PDE3A: variants seen among roughly 807,000 people sequenced by gnomAD.
PDE3A encodes cGMP-inhibited 3',5'-cyclic phosphodiesterase 3A.
In PDE3A, 43 loss-of-function variants were observed where a neutral mutation model predicts 98.3. That is an observed-to-expected ratio of 0.44 (90% CI 0.34 to 0.56). The LOEUF (loss-of-function observed/expected upper bound fraction) is 0.56. Ranked by LOEUF, PDE3A falls within the 20% of genes least tolerant of loss-of-function variation. The probability of loss-of-function intolerance (pLI) is 0.01; values close to 1 mark genes in which losing one functional copy is unlikely to be tolerated. For synonymous variants in PDE3A, 663 were observed against 567.9 expected, an observed-to-expected ratio of 1.17 and a Z score of -2.38; for missense variants, 1,427 against 1,440.7, an observed-to-expected ratio of 0.99 and a Z score of 0.15.
chr12:20,637,296 T>C (rs1463917701), intron 9 of PDE3A, 59 bp downstream of exon 9: 1 of 1,321,838 alleles, frequency 7.6e-7, no homozygotes, highest in Admixed American at 2.2e-5. Flanking sequence ...CCTTTGTTGC[T>C]TAAAGCTCTG....
chr12:20,449,852 C>T (rs886869962), intron 1 of PDE3A: 1 of 590,580 alleles, frequency 1.7e-6, no homozygotes, highest in Non-Finnish European at 2.9e-6. Flanking sequence ...GAGAGACCTG[C>T]CCCTTTTAGT....
intron 1 of PDE3A, among the ~76,000 whole-genome samples, chr12:20,511,378 G>C (rs578125355): frequency 6.6e-6 from 1 of 151,126 alleles, no homozygotes; most frequent in East Asian, 2.0e-4. Flanking sequence ...GAAAAGCTTG[G>C]AGTATCTTTT....
chr12:20,545,484 T>C (rs912721593), intron 1 of PDE3A, among the ~76,000 whole-genome samples: 4 of 152,006 alleles, frequency 2.6e-5, no homozygotes, highest in Non-Finnish European at 4.4e-5. Flanking sequence ...TAGCTAGTTA[T>C]CACCAACTGT....
In PDE3A at chr12:20,581,014, T is replaced by C. The variant is rs148820138; in HGVS notation, c.1011+24304T>C. ...GAGGGTTTCACTATCAAGAAAATTATAGGCTCTAGGTTTGTTTAATTACTG... is the reference window on the plus strand; with the variant it reads ...GAGGGTTTCACTATCAAGAAAATTACAGGCTCTAGGTTTGTTTAATTACTG... On this transcript the variant is annotated intron_variant, in intron 2 of 15. Transcript: ENST00000359062. Among the ~76,000 whole-genome samples the C allele has an allele frequency of 6.4e-4, 97 of 152,342 alleles. No homozygotes were observed. In the Middle Eastern group the frequency reaches 0.02, roughly 32 times the overall value.
intron 1 of PDE3A, among the ~76,000 whole-genome samples, chr12:20,486,741 C>G (rs1320063728): frequency 6.6e-6 from 1 of 152,210 alleles, no homozygotes; most frequent in East Asian, 1.9e-4. Flanking sequence ...TCAAGCAATT[C>G]TCATGCGTCA....
intron 3 of PDE3A, among the ~76,000 whole-genome samples, chr12:20,614,201 T>TTAAAG (rs1441148238): frequency 2.6e-5 from 4 of 152,148 alleles, no homozygotes; most frequent in Non-Finnish European, 5.9e-5. Context: ...TATAGATTAT[T>TTAAAG]TAAAGTAAAA....
chr12:20,616,327 C>A lies in PDE3A; in HGVS notation c.1367C>A (p.Ala456Glu), dbSNP rs909933349. The A allele has an allele frequency of 3.7e-6, 6 of 1,613,912 alleles. No homozygotes were observed. In the East Asian group the frequency reaches 8.9e-5, roughly 24 times the overall value. The change falls in exon 4 of 16, where the codon GCA becomes GAA. Residue 456 changes from alanine to glutamate, a missense_variant. Ala to Glu is a moderately radical substitution (Grantham distance 107, BLOSUM62 -1). Coordinates refer to ENST00000359062, the MANE Select transcript of PDE3A (RefSeq NM_000921.5). Reference protein sequence around the residue: ...SATGLPTLEPAPVRRDRSTSI... With the variant: ...SATGLPTLEPEPVRRDRSTSI... ...ACAGGTCTACCCACCTTGGAGCCTG[C>A]ACCAGTACGGAGAGACCGCAGCACC...
chr12:20,436,580 G>A (rs1000991873), intron 1 of PDE3A, among the ~76,000 whole-genome samples: 1 of 152,188 alleles, frequency 6.6e-6, no homozygotes, highest in African/African-American at 2.4e-5. Flanking sequence ...AGTTTATCAG[G>A]AGACATGAAT....
At chr12:20,655,427 C>T (rs1945020087) in intron 15 of PDE3A, among the ~76,000 whole-genome samples, 1 of 152,076 alleles carries the variant, frequency 6.6e-6, no homozygotes, top group African/African-American at 2.4e-5. Flanking sequence ...ATAGCTGGAG[C>T]AGCAAGACAG....
intron 5 of PDE3A, among the ~76,000 whole-genome samples, chr12:20,625,374 C>T (rs1343077450): frequency 1.3e-5 from 2 of 152,148 alleles, no homozygotes; most frequent in African/African-American, 2.4e-5. Flanking sequence ...AGTCCTTTCC[C>T]GGATTCTTGT....
chr12:20,419,254 C>T (rs993268701), intron 1 of PDE3A, among the ~76,000 whole-genome samples: 11 of 151,560 alleles, frequency 7.3e-5, no homozygotes, highest in African/African-American at 2.7e-4. Flanking sequence ...TTCTTAAATG[C>T]CGTTTCTTTT....
intron 8 of PDE3A, among the ~76,000 whole-genome samples, chr12:20,636,250 T>C (rs765428907): frequency 6.6e-5 from 10 of 152,216 alleles, no homozygotes. Context: ...GAAGCATATA[T>C]TTGAGTCAGC....
intron 15 of PDE3A, 96 bp from the exon 16 acceptor site, chr12:20,679,934 T>A: frequency 3.9e-6 from 2 of 519,218 alleles, no homozygotes; most frequent in Non-Finnish European, 3.3e-6. Flanking sequence ...AGGTTATGGA[T>A]TAACTCCTCT....
chr12:20,676,498 C>CTTTTTTT (rs60887487), intron 15 of PDE3A, among the ~76,000 whole-genome samples: 1 of 109,216 alleles, frequency 9.2e-6, no homozygotes. Flanking sequence ...ATGTCTTTGA[C>CTTTTTTT]TTTTTTTTTT....
At chr12:20,510,412 C>T (rs1195623865) in intron 1 of PDE3A, among the ~76,000 whole-genome samples, 2 of 151,712 alleles carry the variant, frequency 1.3e-5, no homozygotes, top group Non-Finnish European at 2.9e-5. Flanking sequence ...CCAGATAGTA[C>T]AGTAGAGAAA....
intron 1 of PDE3A, among the ~76,000 whole-genome samples, chr12:20,533,913 A>G (rs1941688000): frequency 6.6e-6 from 1 of 151,746 alleles, no homozygotes; most frequent in Admixed American, 6.6e-5. Flanking sequence ...TTTTTCCACC[A>G]TTTTCTTTTT....
At chr12:20,505,179 A>G (rs916243959) in intron 1 of PDE3A, among the ~76,000 whole-genome samples, 6 of 152,118 alleles carry the variant, frequency 3.9e-5, no homozygotes, top group Non-Finnish European at 8.8e-5. Context: ...TTTATGGCCT[A>G]TTACTTGAGA....
chr12:20,627,145 T>TAA (rs66734223), intron 5 of PDE3A, among the ~76,000 whole-genome samples: 28,181 of 133,802 alleles, frequency 0.21, 3,097 homozygotes, highest in East Asian at 0.38. Flanking sequence ...ATTGTTCTGT[T>TAA]AAAAAAAAAA....
chr12:20,465,585 G>A (rs1159927363), intron 1 of PDE3A, among the ~76,000 whole-genome samples: 1 of 151,718 alleles, frequency 6.6e-6, no homozygotes, highest in East Asian at 1.9e-4. Context: ...AATTTCTTGT[G>A]TGTTTAGTAG....
Sources: allele counts gnomAD v4.1 joint callset (sites outside exome capture counted in the v4.1 genomes callset), GRCh38; gene constraint gnomAD v4.1.1; transcripts MANE v1.5; gene names NCBI Gene and HGNC (gene_info 2026-07-23, HGNC 2026-07-21).